The following LPP variants were observed in gnomAD, a reference collection of about 807,000 sequenced individuals.
LPP encodes lipoma-preferred partner.
A neutral mutation model predicts 60.4 loss-of-function variants in LPP; 38 were observed. That is an observed-to-expected ratio of 0.63 (90% CI 0.49 to 0.83). The LOEUF (loss-of-function observed/expected upper bound fraction) is 0.83, where lower values mean the gene tolerates loss of function less well. Ranked by LOEUF, LPP falls within the 40% of genes least tolerant of loss-of-function variation. The probability of loss-of-function intolerance (pLI) is 0.00; values close to 1 mark genes in which losing one functional copy is unlikely to be tolerated. For synonymous variants in LPP, 328 were observed against 290.8 expected, an observed-to-expected ratio of 1.13 and a Z score of -1.30; for missense variants, 902 against 783.6, an observed-to-expected ratio of 1.15 and a Z score of -1.80.
intron 4 of LPP, among the ~76,000 whole-genome samples, chr3:188,471,337 A>G (rs558908498): frequency 9.2e-5 from 14 of 152,176 alleles, no homozygotes; most frequent in Non-Finnish European, 1.9e-4. Flanking sequence ...AGTTGTATCA[A>G]ATACATTGGA....
At chr3:188,332,836 T>G (rs1422332655) in intron 2 of LPP, among the ~76,000 whole-genome samples, 2 of 152,164 alleles carry the variant, frequency 1.3e-5, no homozygotes, top group Admixed American at 6.5e-5. Flanking sequence ...CTTGGTTTTG[T>G]TTGATTATAA....
chr3:188,831,552 G>A (rs546085888), intron 9 of LPP, among the ~76,000 whole-genome samples: 87 of 152,318 alleles, frequency 5.7e-4, no homozygotes, highest in Non-Finnish European at 1.1e-3. Context: ...CAGGGAGCCT[G>A]GAGGACAAGG....
At chr3:188,737,243 A>C (rs1722843916) in intron 8 of LPP, among the ~76,000 whole-genome samples, 1 of 152,240 alleles carries the variant, frequency 6.6e-6, no homozygotes, top group African/African-American at 2.4e-5. Flanking sequence ...CAAGGGAAGA[A>C]ATTTGTGAAT....
chr3:188,419,382 ACTCCAT>A (rs1787170225), intron 4 of LPP, among the ~76,000 whole-genome samples: 1 of 152,040 alleles, frequency 6.6e-6, no homozygotes, highest in Non-Finnish European at 1.5e-5. Flanking sequence ...TTGTGAAGTG[ACTCCAT>A]GGCTAACTCT....
intron 4 of LPP, among the ~76,000 whole-genome samples, chr3:188,448,376 C>CTATCTAAATAGATATTATTTAGATATA (rs1553901431): frequency 6.6e-6 from 1 of 150,820 alleles, no homozygotes. Context: ...ATAATAATAT[C>CTATCTAAATAGATATTATTTAGATATA]TATCTATATT....
rs544065478 is a variant in LPP at position 188,878,594 on chromosome 3, C to T, written c.*4115C>T. The T allele has an allele frequency of 3.8e-5, 8 of 209,164 alleles. No homozygotes were observed. Among genetic ancestry groups the T allele is most frequent in the Admixed American group, 1.8e-4 (3 of 16,856 alleles). 13.0% of individuals were successfully genotyped at this position (209,164 alleles called of 1,614,324 possible). A position where few individuals can be genotyped will look rare whatever the true frequency, so the allele number is the denominator to read the frequency against. On this transcript the variant is annotated 3_prime_UTR_variant, in exon 12 of 12. Coordinates refer to ENST00000617246, the MANE Select transcript of LPP (RefSeq NM_001375462.1). ...GTGCCTCAAGTCCATTTCTTGGGAT[C>T]GCTCGTTTGGTGCACTCTCGTGGGA...
chr3:188,696,946 C>CTA (rs1863373171), intron 7 of LPP, among the ~76,000 whole-genome samples: 1 of 152,126 alleles, frequency 6.6e-6, no homozygotes, highest in South Asian at 2.1e-4. Flanking sequence ...CTATAGTTTG[C>CTA]TACACTGCTC....
chr3:188,315,635 T>A (rs759147401), intron 2 of LPP, among the ~76,000 whole-genome samples: 6 of 152,212 alleles, frequency 3.9e-5, no homozygotes, highest in Non-Finnish European at 7.3e-5. Flanking sequence ...CCCATTAGAA[T>A]GTAAGCTTTG....
Position 188,878,759 on chromosome 3 carries a change from T to TAAAAAAAAAAAAAAAAAAAAGAA in LPP, c.*4296_*4297insAAAAGAAAAAAAAAAAAAAAAAA, listed in dbSNP as rs11448997. ...ATATACTCACCAAAAAGTAAAAAAG[T>TAAAAAAAAAAAAAAAAAAAAGAA]AAAAAAAAAAAAAAAAGAAAGAAAG... On this transcript the variant is annotated 3_prime_UTR_variant, in exon 12 of 12. Coordinates refer to ENST00000617246, the MANE Select transcript of LPP (RefSeq NM_001375462.1). 1 of 153,950 alleles carries TAAAAAAAAAAAAAAAAAAAAGAA rather than the reference T, an allele frequency of 6.5e-6. No individual in the cohort carries two copies. The highest frequency in any genetic ancestry group is 1.0e-4 in the East Asian group (1 of 9,574). The allele number at this position is 153,950 out of a possible 1,614,324, so 9.5% of individuals were successfully genotyped here. A position where few individuals can be genotyped will look rare whatever the true frequency, so the allele number is the denominator to read the frequency against.
rs541715135 is a variant in LPP, at chr3:188,363,905, CAAAAAAAAA to C, written c.-10+22201_-10+22209del. Among the ~76,000 whole-genome samples the C allele has an allele frequency of 3.1e-5, 3 of 96,898 alleles. 1 individual carries two copies. The East Asian group carries it at 9.9e-4, about 32-fold the overall frequency. 63.6% of individuals were successfully genotyped at this position (96,898 alleles called of 152,430 possible). ...GGACGAAAGAGTGAAAACTCCCTCC[CAAAAAAAAA>C]AAAAAAAAAAAAAATACTATGTACT... On this transcript the variant is annotated intron_variant, in intron 3 of 11. Coordinates refer to ENST00000617246, the MANE Select transcript of LPP (RefSeq NM_001375462.1).
At chr3:188,268,841 T>C (rs1017736078) in intron 2 of LPP, among the ~76,000 whole-genome samples, 3 of 152,318 alleles carry the variant, frequency 2.0e-5, no homozygotes, top group Admixed American at 6.5e-5. Context: ...CTTACATATA[T>C]TTCAAATGTT....
intron 2 of LPP, among the ~76,000 whole-genome samples, chr3:188,318,820 G>A (rs532437560): frequency 5.2e-4 from 73 of 140,864 alleles, no homozygotes; most frequent in African/African-American, 1.7e-3. Flanking sequence ...GTGCAGTGGC[G>A]CGATCTCGGC....
chr3:188,878,315 A>G lies in LPP; in HGVS notation c.*3836A>G, dbSNP rs774295791. The G allele has an allele frequency of 3.6e-5, 8 of 220,330 alleles. No individual in the cohort carries two copies. Among genetic ancestry groups the G allele is most frequent in the Non-Finnish European group, 7.3e-5 (8 of 109,836 alleles). 13.6% of individuals were successfully genotyped at this position (220,330 alleles called of 1,614,324 possible). ...TGGCAGCTGCTAGGGAGATCAGGGA[A>G]ACACTGATGTAACCTCAAAGCCTCT... is the stretch of plus-strand genomic sequence containing the variant. On this transcript the variant is annotated 3_prime_UTR_variant, in exon 12 of 12. Coordinates refer to ENST00000617246, the MANE Select transcript of LPP (RefSeq NM_001375462.1).
intron 9 of LPP, among the ~76,000 whole-genome samples, chr3:188,815,354 A>G (rs1332709695): frequency 6.6e-6 from 1 of 152,196 alleles, no homozygotes; most frequent in Non-Finnish European, 1.5e-5. Context: ...ATTCTCAAGT[A>G]TATATTGTAT....
chr3:188,670,450 T>TC (rs1491445067), intron 7 of LPP, among the ~76,000 whole-genome samples: 7 of 132,522 alleles, frequency 5.3e-5, no homozygotes, highest in Admixed American at 2.2e-4. Flanking sequence ...GGTCTCTCTC[T>TC]TTTTTTTTTT....
At chr3:188,478,364 A>G (rs1803789335) in intron 4 of LPP, among the ~76,000 whole-genome samples, 1 of 152,210 alleles carries the variant, frequency 6.6e-6, no homozygotes, top group East Asian at 1.9e-4. Flanking sequence ...TTTTTTTTCA[A>G]ATAACAGAGC....
chr3:188,872,345 G>T (rs1768322904), intron 10 of LPP, among the ~76,000 whole-genome samples: 3 of 152,182 alleles, frequency 2.0e-5, no homozygotes, highest in African/African-American at 2.4e-5. Flanking sequence ...CAAGCACAGG[G>T]TTTGCATTCA....
chr3:188,400,714 T>C (rs1325367263), intron 3 of LPP, among the ~76,000 whole-genome samples: 1 of 152,202 alleles, frequency 6.6e-6, no homozygotes, highest in East Asian at 1.9e-4. Flanking sequence ...CTGATGGTGG[T>C]TGTGTATTCT....
chr3:188,513,360 A>G (rs1816378009), intron 5 of LPP, among the ~76,000 whole-genome samples: 1 of 152,190 alleles, frequency 6.6e-6, no homozygotes, highest in African/African-American at 2.4e-5. Context: ...TTCAGGAAAT[A>G]TTACTAAAGG....
Sources: gnomAD v4.1 joint callset for allele counts (sites outside exome capture counted in the v4.1 genomes callset) on GRCh38, gnomAD v4.1.1 for gene constraint, MANE v1.5 for transcripts, NCBI Gene and HGNC (gene_info 2026-07-23, HGNC 2026-07-21) for gene names.